The following SH3GL2 variants were observed in gnomAD, a reference collection of about 807,000 sequenced individuals.
The protein encoded by SH3GL2 is endophilin-A1.
A neutral mutation model predicts 46.0 loss-of-function variants in SH3GL2; 24 were observed. The observed-to-expected ratio is 0.52, with a 90% CI of 0.38 to 0.73. SH3GL2 has a LOEUF of 0.73. Among genes scored for constraint, SH3GL2 ranks in the 30% least tolerant of loss-of-function variants. The pLI, the probability that SH3GL2 is intolerant of heterozygous loss-of-function variation, is 0.00. For missense variants in SH3GL2, 413 were observed against 424.2 expected (o/e 0.97, Z 0.23); for synonymous variants, 196 against 147.1 (o/e 1.33, Z -2.40).
At chr9:17,668,788 C>A (rs1001953515) in intron 1 of SH3GL2, among the ~76,000 whole-genome samples, 4 of 152,068 alleles carry the variant, frequency 2.6e-5, no homozygotes, top group Non-Finnish European at 5.9e-5. Context: ...TCCTGAGTAG[C>A]CAGGACTACA....
intron 1 of SH3GL2, among the ~76,000 whole-genome samples, chr9:17,627,518 T>C (rs1462858742): frequency 6.6e-6 from 1 of 152,218 alleles, no homozygotes; most frequent in Non-Finnish European, 1.5e-5. Flanking sequence ...TATTTGACTT[T>C]TAAAATCACA....
chr9:17,634,613 G>A (rs1402670342), intron 1 of SH3GL2, among the ~76,000 whole-genome samples: 1 of 152,088 alleles, frequency 6.6e-6, no homozygotes, highest in African/African-American at 2.4e-5. Flanking sequence ...AATATTTCTA[G>A]GTGTTCTTTA....
At chr9:17,731,703 C>G (rs774455175) in intron 1 of SH3GL2, among the ~76,000 whole-genome samples, 4 of 152,134 alleles carry the variant, frequency 2.6e-5, no homozygotes, top group Non-Finnish European at 5.9e-5. Flanking sequence ...CTGATAGACT[C>G]CCTCATCGCT....
rs565122509 is a variant in SH3GL2 at position 17,674,014 on chromosome 9, T to C, written c.46-73052T>C. 2.6e-5 allele frequency among the ~76,000 whole-genome samples: 4 copies of C among 152,344 alleles called. No homozygotes were observed. In the South Asian group the frequency reaches 6.2e-4, roughly 24 times the overall value. On this transcript the variant is annotated intron_variant, in intron 1 of 8. Coordinates refer to ENST00000380607, the MANE Select transcript of SH3GL2 (RefSeq NM_003026.5). ...GGTCTGTGTTTTATTTCTCTTTGTT[T>C]CCCTCTTTCCTTGTGTGGCTCTTGA...
At chr9:17,651,626 A>G (rs1339071169) in intron 1 of SH3GL2, among the ~76,000 whole-genome samples, 3 of 152,258 alleles carry the variant, frequency 2.0e-5, no homozygotes, top group East Asian at 3.9e-4. Context: ...TGTGGGTGAT[A>G]AATTCTTTCT....
chr9:17,614,640 C>G (rs1034374396), intron 1 of SH3GL2, among the ~76,000 whole-genome samples: 1 of 152,262 alleles, frequency 6.6e-6, no homozygotes, highest in Non-Finnish European at 1.5e-5. Flanking sequence ...GTATGACAAC[C>G]TTGTGAGCTG....
chr9:17,789,827 A>G, intron 6 of SH3GL2: 2 of 904,344 alleles, frequency 2.2e-6, no homozygotes, highest in Non-Finnish European at 2.6e-6. Flanking sequence ...AGTCTTGAAT[A>G]TATCATGTAA....
chr9:17,723,259 T>C (rs1417804481), intron 1 of SH3GL2, among the ~76,000 whole-genome samples: 1 of 152,152 alleles, frequency 6.6e-6, no homozygotes, highest in Non-Finnish European at 1.5e-5. Context: ...ATTTCTTCTA[T>C]GTTCACTATT....
rs1325129630 is a variant in SH3GL2 at position 17,610,044 on chromosome 9, G to GTT, written c.45+30758_45+30759insTT. ...ACCAAATCCTATTTTTCCTAAATCG[G>GTT]TCAATGTATTGTCATATCCCCTGTG... On this transcript the variant is annotated intron_variant, in intron 1 of 8. Transcript: ENST00000380607. Among the ~76,000 whole-genome samples the GTT allele has an allele frequency of 1.1e-3, 166 of 152,258 alleles. 2 individuals are homozygous for GTT. The highest frequency in any genetic ancestry group is 3.8e-3 in the African/African-American group (157 of 41,556).
At chr9:17,667,224 T>C (rs760708475) in intron 1 of SH3GL2, among the ~76,000 whole-genome samples, 6 of 152,272 alleles carry the variant, frequency 3.9e-5, no homozygotes, top group Non-Finnish European at 7.4e-5. Context: ...ATAATTCACA[T>C]ACCATAACAT....
chr9:17,759,427 C>T (rs934768868), intron 2 of SH3GL2, among the ~76,000 whole-genome samples: 3 of 152,222 alleles, frequency 2.0e-5, no homozygotes, highest in African/African-American at 7.2e-5. Flanking sequence ...GACTTGGCCT[C>T]TCTTTCAGAT....
chr9:17,690,543 A>G (rs1350744498), intron 1 of SH3GL2, among the ~76,000 whole-genome samples: 1 of 152,066 alleles, frequency 6.6e-6, no homozygotes, highest in Non-Finnish European at 1.5e-5. Context: ...CTGCTCAAAA[A>G]TTATGTTGAT....
intron 1 of SH3GL2, among the ~76,000 whole-genome samples, chr9:17,579,492 T>G (rs1183480754): frequency 1.3e-5 from 2 of 151,874 alleles, no homozygotes; most frequent in Non-Finnish European, 2.9e-5. Context: ...CCCGGCTTGG[T>G]GCGCGCTGCC....
intron 1 of SH3GL2, among the ~76,000 whole-genome samples, chr9:17,655,072 G>T (rs1451835344): frequency 2.0e-5 from 3 of 152,148 alleles, no homozygotes; most frequent in Non-Finnish European, 4.4e-5. Flanking sequence ...GGATGAATTA[G>T]ATCAGCATGA....
rs79660566 is a variant in SH3GL2, at chr9:17,688,644, G to A, written c.46-58422G>A. On this transcript the variant is annotated intron_variant, in intron 1 of 8. Coordinates refer to ENST00000380607, the MANE Select transcript of SH3GL2 (RefSeq NM_003026.5). ...CATTTTGTAGTGCGAGAGAGGAAAG[G>A]GGTGCTAAAGAATAAAAACTCCAGA... Among the ~76,000 whole-genome samples, 853 of 152,062 alleles carry A rather than the reference G, an allele frequency of 5.6e-3. 8 individuals are homozygous for A. Among genetic ancestry groups the A allele is most frequent in the African/African-American group, 0.02 (814 of 41,484 alleles).
intron 6 of SH3GL2, chr9:17,790,439 C>G (rs968185487): frequency 1.6e-5 from 16 of 983,418 alleles, no homozygotes; most frequent in Non-Finnish European, 1.8e-5. Flanking sequence ...TTGAACATAT[C>G]CAGACTTTCC....
In SH3GL2 at chr9:17,735,846, G is replaced by A. The variant is rs570484507; in HGVS notation, c.46-11220G>A. ...GTGGGATTCAGGGACATTACTCTGC[G>A]TATATGTTTCATCTATTGCAGCAGC... On this transcript the variant is annotated intron_variant, in intron 1 of 8. Coordinates refer to ENST00000380607, the MANE Select transcript of SH3GL2 (RefSeq NM_003026.5). The A allele has an allele frequency of 8.4e-5, 38 of 451,868 alleles. No homozygotes were observed. In the South Asian group the frequency reaches 1.5e-3, roughly 18 times the overall value. The allele number at this position is 451,868 out of a possible 1,614,324, so 28.0% of individuals were successfully genotyped here.
intron 2 of SH3GL2, among the ~76,000 whole-genome samples, chr9:17,749,292 G>C (rs999202656): frequency 6.6e-6 from 1 of 152,146 alleles, no homozygotes; most frequent in African/African-American, 2.4e-5. Context: ...GAGACTCCAG[G>C]AACTGACACA....
At chr9:17,631,505 G>A (rs908627521) in intron 1 of SH3GL2, among the ~76,000 whole-genome samples, 5 of 152,256 alleles carry the variant, frequency 3.3e-5, no homozygotes, top group East Asian at 1.9e-4. Context: ...TTCTGTACAT[G>A]GAAAATATAA....
Sources: gnomAD v4.1 joint callset for allele counts (sites outside exome capture counted in the v4.1 genomes callset) on GRCh38, gnomAD v4.1.1 for gene constraint, MANE v1.5 for transcripts, NCBI Gene and HGNC (gene_info 2026-07-23, HGNC 2026-07-21) for gene names.